The following FAM220A variants were observed in gnomAD, a reference collection of about 807,000 sequenced individuals.
The protein encoded by FAM220A is protein FAM220A.
For synonymous variants in FAM220A, 141 were observed against 130.7 expected (o/e 1.08, Z -0.54); for missense variants, 392 against 321.6 (o/e 1.22, Z -1.68).
intron 1 of FAM220A, among the ~76,000 whole-genome samples, chr7:6,348,071 C>T (rs1007598732): frequency 1.3e-5 from 2 of 151,536 alleles, no homozygotes; most frequent in East Asian, 1.9e-4. Flanking sequence ...CCACCACGCC[C>T]GGCTAATTCT....
chr7:6,338,540 C>G (rs189288984), intron 1 of FAM220A: 8 of 152,234 alleles, frequency 5.3e-5, no homozygotes, highest in Admixed American at 4.6e-4. Context: ...CTGCCTCCCA[C>G]CAAAGATGAC....
chr7:6,337,794 A>AT (rs1781774736), intron 1 of FAM220A, among the ~76,000 whole-genome samples: 1 of 150,456 alleles, frequency 6.6e-6, no homozygotes, highest in Admixed American at 6.6e-5. Flanking sequence ...ATTTCAATAC[A>AT]TTATTTATTT....
At chr7:6,333,621 C>T (rs942948652) in intron 1 of FAM220A, among the ~76,000 whole-genome samples, 8 of 151,904 alleles carry the variant, frequency 5.3e-5, no homozygotes, top group Non-Finnish European at 1.0e-4. Context: ...AATTCAGCCT[C>T]CTGTGTCACT....
chr7:6,334,888 C>G (rs553873738), intron 1 of FAM220A, among the ~76,000 whole-genome samples: 5 of 152,012 alleles, frequency 3.3e-5, no homozygotes, highest in Non-Finnish European at 5.9e-5. Context: ...CCTGCCTCAG[C>G]CTCCTGAGTA....
chr7:6,330,251 C>A lies in FAM220A; in HGVS notation c.*124G>T. ...TTAAACTCAATTTACTTTAAGTCTG[C>A]CAGGTCGTACAAAACTACAGCAGGA... On this transcript the variant is annotated 3_prime_UTR_variant, in exon 2 of 2. Transcript: ENST00000313324. 1.1e-6 allele frequency: 1 copy of A among 944,178 alleles called. No individual in the cohort carries two copies. Among genetic ancestry groups the A allele is most frequent in the African/African-American group, 1.7e-5 (1 of 59,984 alleles). The allele number at this position is 944,178 out of a possible 1,614,324, so 58.5% of individuals were successfully genotyped here.
chr7:6,330,018 C>G lies in FAM220A; in HGVS notation c.*357G>C, dbSNP rs762826784. The stretch of plus-strand genomic sequence containing the variant: ...TATCCACTTCCATTGGGTGATCAGA[C>G]AAGTCAAAAGGACACACAGGATTTG... On this transcript the variant is annotated 3_prime_UTR_variant, in exon 2 of 2. Coordinates refer to ENST00000313324, the MANE Select transcript of FAM220A (RefSeq NM_001037163.2). 3.7e-5 allele frequency: 9 copies of G among 246,346 alleles called. No individual in the cohort carries two copies. Among genetic ancestry groups the G allele is most frequent in the Middle Eastern group, 3.3e-3 (2 of 598 alleles). 15.3% of individuals were successfully genotyped at this position (246,346 alleles called of 1,614,324 possible).
At chr7:6,335,336 C>G (rs1459515550) in intron 1 of FAM220A, among the ~76,000 whole-genome samples, 1 of 151,944 alleles carries the variant, frequency 6.6e-6, no homozygotes, top group Non-Finnish European at 1.5e-5. Context: ...GATTCTCCTG[C>G]CTCAACCTCC....
At chr7:6,333,477 G>A (rs942980464) in intron 1 of FAM220A, among the ~76,000 whole-genome samples, 1 of 152,066 alleles carries the variant, frequency 6.6e-6, no homozygotes, top group Non-Finnish European at 1.5e-5. Flanking sequence ...TCATAAGGAG[G>A]GACAGACTAA....
At chr7:6,343,542 T>C (rs2115147808) in intron 1 of FAM220A, among the ~76,000 whole-genome samples, 1 of 151,272 alleles carries the variant, frequency 6.6e-6, no homozygotes, top group African/African-American at 2.4e-5. Context: ...CACAGTACCA[T>C]TTTTAATCTT....
At chr7:6,338,889 G>A (rs906536319) in intron 1 of FAM220A, among the ~76,000 whole-genome samples, 3 of 152,194 alleles carry the variant, frequency 2.0e-5, no homozygotes, top group Non-Finnish European at 4.4e-5. Flanking sequence ...CAGCAGGGCC[G>A]CGGTGGGCCT....
chr7:6,340,429 A>G (rs554191469), intron 1 of FAM220A, among the ~76,000 whole-genome samples: 13 of 152,268 alleles, frequency 8.5e-5, no homozygotes, highest in Non-Finnish European at 1.3e-4. Context: ...AACATGGGTA[A>G]GTACACTTCA....
intron 1 of FAM220A, among the ~76,000 whole-genome samples, chr7:6,345,252 G>A (rs1781932480): frequency 6.6e-6 from 1 of 151,852 alleles, no homozygotes; most frequent in African/African-American, 2.4e-5. Flanking sequence ...CAAGTAGCTG[G>A]GATTACAGGC....
At chr7:6,337,134 C>T (rs576292701) in intron 1 of FAM220A, among the ~76,000 whole-genome samples, 1 of 151,330 alleles carries the variant, frequency 6.6e-6, no homozygotes, top group Non-Finnish European at 1.5e-5. Context: ...TGCAGTGGCG[C>T]AATCTCAGCT....
Position 6,333,840 on chromosome 7 carries a change from CTTTTTTTTTTTTT to C in FAM220A, c.-81-2618_-81-2606del, listed in dbSNP as rs904989717. On this transcript the variant is annotated intron_variant, in intron 1 of 1. Transcript: ENST00000313324. ...TAGAATGGTCTCGAACTCCTGGCCT[CTTTTTTTTTTTTT>C]TTTTTTTTGAGACAGAGTCTTGCTC... 1.2e-3 allele frequency among the ~76,000 whole-genome samples: 120 copies of C among 96,832 alleles called. 1 individual carries two copies. In the Middle Eastern group the frequency reaches 0.054, roughly 44 times the overall value. 63.5% of individuals were successfully genotyped at this position (96,832 alleles called of 152,430 possible). A position where few individuals can be genotyped will look rare whatever the true frequency, so the allele number is the denominator to read the frequency against.
At position 6,333,874 on chromosome 7, in the gene FAM220A, T is replaced by C. The variant is rs1217294822; in HGVS notation, c.-81-2639A>G. On this transcript the variant is annotated intron_variant, in intron 1 of 1. Transcript: ENST00000313324. ...TTTTTTTTTTTTTGAGACAGAGTCT[T>C]GCTCTTTTTTTGCCCAGGCTGGAGT... Among the ~76,000 whole-genome samples, 28 of 146,648 alleles carry C rather than the reference T, an allele frequency of 1.9e-4. No homozygotes were observed. The East Asian group carries it at 4.9e-3, about 26-fold the overall frequency.
At chr7:6,344,790 G>C (rs566469120) in intron 1 of FAM220A, among the ~76,000 whole-genome samples, 16 of 152,180 alleles carry the variant, frequency 1.1e-4, no homozygotes, top group African/African-American at 3.9e-4. Flanking sequence ...GCCCAGGCTG[G>C]AGTGCAATGG....
At chr7:6,341,389 C>T (rs1015447466) in intron 1 of FAM220A, among the ~76,000 whole-genome samples, 14 of 150,774 alleles carry the variant, frequency 9.3e-5, no homozygotes, top group Non-Finnish European at 1.5e-5. Flanking sequence ...TTGCAGTGAG[C>T]GGAGATCGCG....
In FAM220A at chr7:6,329,694, A is replaced by C. The variant is rs1186845182; in HGVS notation, c.*681T>G. Reference sequence around the variant, plus strand: ...AATCTGGGAAACTTTTTATGTGGGAAATAACTCGATTTGCTTCTCTGTAAC... The same window carrying C: ...AATCTGGGAAACTTTTTATGTGGGACATAACTCGATTTGCTTCTCTGTAAC... On this transcript the variant is annotated 3_prime_UTR_variant, in exon 2 of 2. Transcript: ENST00000313324. The C allele has an allele frequency of 6.0e-6, 1 of 165,730 alleles. No homozygotes were observed. Among genetic ancestry groups the C allele is most frequent in the Non-Finnish European group, 1.5e-5 (1 of 68,152 alleles). 10.3% of individuals were successfully genotyped at this position (165,730 alleles called of 1,614,324 possible).
chr7:6,332,475 T>C (rs971419771), intron 1 of FAM220A, among the ~76,000 whole-genome samples: 32 of 152,192 alleles, frequency 2.1e-4, no homozygotes, highest in African/African-American at 5.3e-4. Flanking sequence ...CCCTTATTAA[T>C]TGACACGTTA....
Sources: allele counts gnomAD v4.1 joint callset (sites outside exome capture counted in the v4.1 genomes callset), GRCh38; gene constraint gnomAD v4.1.1; transcripts MANE v1.5; gene names NCBI Gene and HGNC (gene_info 2026-07-23, HGNC 2026-07-21).